Variants in SRPK1 observed in about 807,000 individuals in gnomAD.
SRPK1 encodes SRSF protein kinase 1.
In SRPK1, 52 loss-of-function variants were observed where a neutral mutation model predicts 89.5. The ratio of observed to expected loss-of-function variants is 0.58; its 90% CI spans 0.46 to 0.73. The LOEUF is 0.73. Among genes scored for constraint, SRPK1 ranks in the 30% least tolerant of loss-of-function variants. The pLI is 0.00. For synonymous variants in SRPK1, 255 were observed against 270.2 expected (o/e 0.94, Z 0.55); for missense variants, 603 against 780.6 (o/e 0.77, Z 2.71).
At chr6:35,875,460 T>A (rs6457865) in intron 6 of SRPK1, among the ~76,000 whole-genome samples, 2 of 151,810 alleles carry the variant, frequency 1.3e-5, no homozygotes, top group African/African-American at 4.8e-5. Context: ...ATAATCTACC[T>A]GCCTTGGCCT....
At chr6:35,848,936 A>G (rs1447292990) in intron 13 of SRPK1, among the ~76,000 whole-genome samples, 1 of 152,170 alleles carries the variant, frequency 6.6e-6, no homozygotes, top group Non-Finnish European at 1.5e-5. Context: ...CTGAGCAATG[A>G]TTTTTTTGGA....
At chr6:35,842,715 T>C (rs1214367454) in intron 13 of SRPK1, 111 bp from the exon 14 acceptor site, 2 of 559,452 alleles carry the variant, frequency 3.6e-6, no homozygotes, top group Non-Finnish European at 5.7e-6. Flanking sequence ...TGGGAAAACT[T>C]ATAGATCATT....
intron 12 of SRPK1, among the ~76,000 whole-genome samples, chr6:35,860,584 T>G (rs972944766): frequency 6.6e-6 from 1 of 152,208 alleles, no homozygotes; most frequent in Non-Finnish European, 1.5e-5. Context: ...ACAATTTACT[T>G]GCTAAAATAT....
intron 4 of SRPK1, among the ~76,000 whole-genome samples, chr6:35,888,547 A>C (rs1770455600): frequency 6.6e-6 from 1 of 152,234 alleles, no homozygotes; most frequent in Admixed American, 6.5e-5. Context: ...AGAAAATGAT[A>C]AAAATCACAA....
chr6:35,874,540 A>T (rs1770112557), intron 6 of SRPK1, among the ~76,000 whole-genome samples: 1 of 152,264 alleles, frequency 6.6e-6, no homozygotes, highest in Admixed American at 6.5e-5. Flanking sequence ...TTCATGAAAC[A>T]TTAAATTGTG....
In SRPK1 at chr6:35,838,392, C is replaced by A. The variant is rs1033982478; in HGVS notation, c.1728G>T (p.Val576=). ...IALIIELLGK[V]PRKLIVAGKY... is the part of the protein sequence containing the mutation. ...TTCCTGCCACAATGAGCTTGCGAGGCACCTTCCCCAGAAGTTCTATGATCA... is the reference window on the plus strand; with the variant it reads ...TTCCTGCCACAATGAGCTTGCGAGGAACCTTCCCCAGAAGTTCTATGATCA... The change falls in exon 15 of 16, where the codon GTG becomes GTT. Residue 576 remains valine (V), a synonymous_variant. Coordinates refer to ENST00000373825, the MANE Select transcript of SRPK1 (RefSeq NM_003137.5). The A allele has an allele frequency of 6.3e-7, 1 of 1,580,374 alleles. No homozygotes were observed. Among genetic ancestry groups the A allele is most frequent in the African/African-American group, 1.4e-5 (1 of 72,580 alleles).
At chr6:35,919,890 T>C (rs1026686761) in intron 2 of SRPK1, among the ~76,000 whole-genome samples, 14 of 152,196 alleles carry the variant, frequency 9.2e-5, no homozygotes, top group African/African-American at 3.1e-4. Context: ...AGACACCGAC[T>C]GTATACACAG....
At chr6:35,852,164 C>G (rs997284147) in intron 13 of SRPK1, among the ~76,000 whole-genome samples, 35 of 152,304 alleles carry the variant, frequency 2.3e-4, no homozygotes, top group Admixed American at 1.9e-3. Flanking sequence ...TTGCCTCTCT[C>G]AATTCCTCCT....
At chr6:35,840,313 T>A (rs1769279461) in intron 14 of SRPK1, among the ~76,000 whole-genome samples, 1 of 152,194 alleles carries the variant, frequency 6.6e-6, no homozygotes, top group African/African-American at 2.4e-5. Flanking sequence ...GGACTTCACA[T>A]TTATGACTTC....
intron 13 of SRPK1, among the ~76,000 whole-genome samples, chr6:35,843,351 T>G (rs561179547): frequency 6.6e-6 from 1 of 151,298 alleles, no homozygotes; most frequent in East Asian, 1.9e-4. Context: ...AAAAAAAAAT[T>G]CAGACTTCTA....
intron 2 of SRPK1, among the ~76,000 whole-genome samples, chr6:35,895,933 T>C (rs376647604): frequency 6.6e-6 from 1 of 152,186 alleles, no homozygotes; most frequent in African/African-American, 2.4e-5. Flanking sequence ...TGGAGGGTGG[T>C]ACACCCAGAG....
At chr6:35,869,293 CAGCAACAAATGA>C (rs1355820232) in intron 11 of SRPK1, among the ~76,000 whole-genome samples, 177 bp downstream of exon 11, 1 of 152,210 alleles carries the variant, frequency 6.6e-6, no homozygotes, top group Non-Finnish European at 1.5e-5. Context: ...TCTGCCCTCA[CAGCAACAAATGA>C]AGTGCTGTGT....
intron 13 of SRPK1, among the ~76,000 whole-genome samples, chr6:35,850,329 A>G (rs1420956909): frequency 6.6e-6 from 1 of 152,170 alleles, no homozygotes; most frequent in Admixed American, 6.5e-5. Context: ...AAGTAACATA[A>G]TTAAGTAACC....
chr6:35,849,101 A>C (rs137953851), intron 13 of SRPK1, among the ~76,000 whole-genome samples: 1,604 of 152,326 alleles, frequency 0.011, 26 homozygotes, highest in African/African-American at 0.035. Context: ...GATAGGGGTT[A>C]ATATCCAAAA....
At chr6:35,916,145 A>G (rs1361979484) in intron 2 of SRPK1, among the ~76,000 whole-genome samples, 1 of 151,492 alleles carries the variant, frequency 6.6e-6, no homozygotes, top group East Asian at 1.9e-4. Flanking sequence ...AATCGCTTGA[A>G]CCCAGGAGGC....
rs1770108079 is a variant in SRPK1 at position 35,874,306 on chromosome 6, T to C, written c.512A>G (p.His171Arg). ...GGATTTGATGATCCACTTGAGCAGA[T>C]GATGCCCCAAAACTTCAAATACCAT... is the stretch of plus-strand genomic sequence containing the variant. ...ICMVFEVLGH[H>R]LLKWIIKSNY... The change falls in exon 7 of 16, where the codon CAT becomes CGT. Residue 171 changes from histidine (H) to arginine (R), a missense_variant. Coordinates refer to ENST00000373825, the MANE Select transcript of SRPK1 (RefSeq NM_003137.5). 6.2e-7 allele frequency: 1 copy of C among 1,613,298 alleles called. No homozygotes were observed. The highest frequency in any genetic ancestry group is 8.5e-7 in the Non-Finnish European group (1 of 1,179,696).
intron 2 of SRPK1, among the ~76,000 whole-genome samples, chr6:35,894,987 A>G (rs887136821): frequency 2.6e-5 from 4 of 152,200 alleles, no homozygotes; most frequent in African/African-American, 9.7e-5. Context: ...CCTGAAATGC[A>G]TTTAATCTGA....
At chr6:35,873,244 A>G (rs1162372576) in intron 7 of SRPK1, among the ~76,000 whole-genome samples, 1 of 152,232 alleles carries the variant, frequency 6.6e-6, no homozygotes, top group Non-Finnish European at 1.5e-5. Flanking sequence ...GAAAATGCCT[A>G]TGAATCATGC....
intron 2 of SRPK1, among the ~76,000 whole-genome samples, chr6:35,915,398 C>G (rs1405247149): frequency 3.9e-5 from 5 of 129,096 alleles, no homozygotes; most frequent in African/African-American, 1.2e-4. Context: ...CAGAGCAAGA[C>G]ACCGTCTCAA....
Sources: allele counts gnomAD v4.1 joint callset (sites outside exome capture counted in the v4.1 genomes callset), GRCh38; gene constraint gnomAD v4.1.1; transcripts MANE v1.5; gene names NCBI Gene and HGNC (gene_info 2026-07-23, HGNC 2026-07-21).